The following ANKS1B variants were observed in gnomAD, a reference collection of about 807,000 sequenced individuals.
ANKS1B encodes ankyrin repeat and sterile alpha motif domain containing 1B.
In ANKS1B, 36 loss-of-function variants were observed where a neutral mutation model predicts 148.3. The observed-to-expected ratio is 0.24, with a 90% confidence interval of 0.19 to 0.32. The LOEUF (loss-of-function observed/expected upper bound fraction) is 0.32, where lower values mean the gene tolerates loss of function less well. Ranked by LOEUF, ANKS1B falls within the 10% of genes least tolerant of loss-of-function variation. The pLI is 1.00. For missense variants in ANKS1B, 1,157 were observed against 1,542.6 expected (o/e 0.75, Z 4.19); for synonymous variants, 542 against 560.8 (o/e 0.97, Z 0.47).
intron 1 of ANKS1B, among the ~76,000 whole-genome samples, chr12:99,830,478 G>C (rs2083799358): frequency 6.6e-6 from 1 of 151,968 alleles, no homozygotes; most frequent in African/African-American, 2.4e-5. Context: ...GAAACAAGAA[G>C]TAATAATGGG....
chr12:99,333,865 T>G (rs952897558), intron 12 of ANKS1B, among the ~76,000 whole-genome samples: 9 of 149,858 alleles, frequency 6.0e-5, no homozygotes, highest in African/African-American at 5.0e-5. Flanking sequence ...TTTTTTTTTT[T>G]TTTTTTTTTT....
At chr12:99,502,869 C>T (rs1393564444) in intron 10 of ANKS1B, among the ~76,000 whole-genome samples, 1 of 152,150 alleles carries the variant, frequency 6.6e-6, no homozygotes, top group African/African-American at 2.4e-5. Context: ...CAGTACTGCT[C>T]AAAAATCCAT....
chr12:99,138,178 T>C (rs1304748332), intron 15 of ANKS1B, among the ~76,000 whole-genome samples: 1 of 152,200 alleles, frequency 6.6e-6, no homozygotes, highest in Non-Finnish European at 1.5e-5. Context: ...CTGAGTTTTA[T>C]TGATGAGAAG....
intron 12 of ANKS1B, among the ~76,000 whole-genome samples, chr12:99,322,296 T>C (rs2085422810): frequency 6.6e-6 from 1 of 151,330 alleles, no homozygotes. Flanking sequence ...TAAGGGGTAG[T>C]TGTATAATGA....
chr12:99,948,351 C>A (rs2095125302), intron 1 of ANKS1B, among the ~76,000 whole-genome samples: 1 of 149,004 alleles, frequency 6.7e-6, no homozygotes. Context: ...AGAAGGATGC[C>A]TTTTATTGGA....
chr12:98,905,971 T>C (rs1322522247), intron 17 of ANKS1B, among the ~76,000 whole-genome samples: 2 of 152,218 alleles, frequency 1.3e-5, no homozygotes, highest in African/African-American at 2.4e-5. Context: ...ATACACTTTG[T>C]TGGGACCTGG....
At chr12:99,281,263 C>G (rs2078415606) in intron 12 of ANKS1B, among the ~76,000 whole-genome samples, 1 of 152,194 alleles carries the variant, frequency 6.6e-6, no homozygotes, top group African/African-American at 2.4e-5. Context: ...GTGGTATTTA[C>G]TGTAGCATTT....
chr12:99,227,904 T>G (rs1466880364), intron 14 of ANKS1B, among the ~76,000 whole-genome samples: 2 of 151,938 alleles, frequency 1.3e-5, no homozygotes, highest in African/African-American at 2.4e-5. Flanking sequence ...ATTATGTATT[T>G]GTTATATTAA....
chr12:99,724,062 A>C (rs2058374579), intron 8 of ANKS1B, among the ~76,000 whole-genome samples: 1 of 152,126 alleles, frequency 6.6e-6, no homozygotes, highest in South Asian at 2.1e-4. Context: ...CAAAAAAAAA[A>C]ACACTGAAAG....
intron 17 of ANKS1B, among the ~76,000 whole-genome samples, chr12:99,002,717 T>G (rs933205620): frequency 2.0e-5 from 3 of 152,216 alleles, no homozygotes; most frequent in African/African-American, 7.2e-5. Context: ...TTTTAAGAGT[T>G]CCTTGTATAT....
At chr12:99,186,863 A>T (rs749168941) in intron 14 of ANKS1B, among the ~76,000 whole-genome samples, 2 of 152,058 alleles carry the variant, frequency 1.3e-5, no homozygotes, top group Non-Finnish European at 2.9e-5. Flanking sequence ...ACAAAACTGG[A>T]TGGAGAATGA....
intron 10 of ANKS1B, among the ~76,000 whole-genome samples, chr12:99,450,953 TC>T (rs1223601227): frequency 1.1e-4 from 16 of 152,182 alleles, no homozygotes; most frequent in Non-Finnish European, 2.2e-4. Flanking sequence ...TCCCAAAATA[TC>T]CTTGATAATA....
chr12:98,744,476 AT>A lies in ANKS1B; in HGVS notation c.*1262del, dbSNP rs1227916569. On this transcript the variant is annotated 3_prime_UTR_variant, in exon 27 of 27. Coordinates refer to ENST00000683438, the MANE Select transcript of ANKS1B (RefSeq NM_001352186.2). ...TTAGAACAATATACATTAAAATGTT[AT>A]TTTTTTCTATAATGATATTGGTACT... 4.5e-6 allele frequency: 3 copies of A among 666,286 alleles called. No individual in the cohort carries two copies. Among genetic ancestry groups the A allele is most frequent in the Non-Finnish European group, 5.6e-6 (3 of 538,666 alleles). 41.3% of individuals were successfully genotyped at this position (666,286 alleles called of 1,614,324 possible). A position where few individuals can be genotyped will look rare whatever the true frequency, so the allele number is the denominator to read the frequency against.
intron 4 of ANKS1B, among the ~76,000 whole-genome samples, chr12:99,802,818 C>G (rs887802696): frequency 1.3e-5 from 2 of 151,504 alleles, no homozygotes; most frequent in Admixed American, 1.3e-4. Flanking sequence ...GAGGCTGAAG[C>G]AGGAGGATCA....
intron 1 of ANKS1B, among the ~76,000 whole-genome samples, chr12:99,888,969 AACACACACACAC>A (rs6144833): frequency 6.8e-6 from 1 of 147,194 alleles, no homozygotes; most frequent in African/African-American, 2.5e-5. Context: ...CCTTCGCCAA[AACACACACACAC>A]ACACACACAC....
chr12:99,812,558 C>CACACACAG (rs1491407773), intron 2 of ANKS1B, among the ~76,000 whole-genome samples: 3 of 73,674 alleles, frequency 4.1e-5, no homozygotes, highest in African/African-American at 1.2e-4. Context: ...CACACACACA[C>CACACACAG]AGAGAGAGAG....
chr12:99,162,822 G>T (rs2076802874), intron 14 of ANKS1B, among the ~76,000 whole-genome samples: 1 of 152,288 alleles, frequency 6.6e-6, no homozygotes, highest in South Asian at 2.1e-4. Context: ...CACTCTGGGA[G>T]GCCGAGGCAG....
intron 1 of ANKS1B, among the ~76,000 whole-genome samples, chr12:99,845,577 G>T (rs1033273260): frequency 2.0e-5 from 3 of 152,190 alleles, no homozygotes; most frequent in Admixed American, 6.5e-5. Flanking sequence ...AAGCTGAGTT[G>T]ATCGTGGTAG....
At chr12:99,360,031 T>C (rs1409894766) in intron 12 of ANKS1B, among the ~76,000 whole-genome samples, 1 of 152,148 alleles carries the variant, frequency 6.6e-6, no homozygotes, top group East Asian at 1.9e-4. Flanking sequence ...AATGATGAAA[T>C]ATTTCTAGGC....
Sources: gnomAD v4.1 joint callset for allele counts (sites outside exome capture counted in the v4.1 genomes callset) on GRCh38, gnomAD v4.1.1 for gene constraint, MANE v1.5 for transcripts, NCBI Gene and HGNC (gene_info 2026-07-23, HGNC 2026-07-21) for gene names.